Variants in ABCA12 observed in about 807,000 individuals in gnomAD.
ABCA12 encodes ATP binding cassette subfamily A member 12, also known as glucosylceramide transporter ABCA12.
In ABCA12, 156 loss-of-function variants were observed where a neutral mutation model predicts 293.5. The observed-to-expected ratio is 0.53, with a 90% confidence interval of 0.47 to 0.61. The LOEUF is 0.61. Among genes scored for constraint, ABCA12 ranks in the 20% least tolerant of loss-of-function variants. The pLI is 0.00. For missense variants in ABCA12, 2,797 were observed against 3,090.2 expected (o/e 0.91, Z 2.25); for synonymous variants, 1,063 against 1,108.0 (o/e 0.96, Z 0.81).
intron 2 of ABCA12, among the ~76,000 whole-genome samples, chr2:215,089,395 A>G (rs1048579378): frequency 1.3e-5 from 2 of 152,232 alleles, no homozygotes; most frequent in African/African-American, 2.4e-5. Context: ...TAGCAAGGAT[A>G]TAATAATAAA....
intron 6 of ABCA12, among the ~76,000 whole-genome samples, chr2:215,047,781 A>T (rs1441613670): frequency 6.6e-6 from 1 of 152,228 alleles, no homozygotes; most frequent in East Asian, 1.9e-4. Flanking sequence ...TATGACAAAG[A>T]TGCCAAAAGC....
At chr2:215,095,784 G>T (rs1702238187) in intron 2 of ABCA12, among the ~76,000 whole-genome samples, 1 of 152,084 alleles carries the variant, frequency 6.6e-6, no homozygotes, top group Non-Finnish European at 1.5e-5. Flanking sequence ...ATTACCTTGT[G>T]AAATTTCTTC....
At chr2:215,015,091 C>T (rs1395781108) in intron 15 of ABCA12, among the ~76,000 whole-genome samples, 1 of 151,880 alleles carries the variant, frequency 6.6e-6, no homozygotes, top group African/African-American at 2.4e-5. Flanking sequence ...CAAAAAAAGC[C>T]TATTTTTAAT....
chr2:214,959,192 A>C, intron 39 of ABCA12, 114 bp from the exon 40 acceptor site: 1 of 944,550 alleles, frequency 1.1e-6, no homozygotes, highest in Non-Finnish European at 1.7e-6. Context: ...AAACAATTTT[A>C]TTTGGGGGAC....
At chr2:215,019,984 C>T (rs903342116) in intron 11 of ABCA12, among the ~76,000 whole-genome samples, 188 bp from the exon 12 acceptor site, 2 of 152,048 alleles carry the variant, frequency 1.3e-5, no homozygotes, top group East Asian at 1.9e-4. Context: ...TTATTGTTCT[C>T]GTAAGAACCT....
chr2:215,056,816 C>G (rs183070813), intron 3 of ABCA12, among the ~76,000 whole-genome samples: 327 of 152,146 alleles, frequency 2.1e-3, no homozygotes, highest in African/African-American at 7.5e-3. Context: ...TTAAAGAGGG[C>G]AAGAAAGTAG....
chr2:214,988,611 A>G (rs923575028), intron 26 of ABCA12, among the ~76,000 whole-genome samples: 5 of 152,198 alleles, frequency 3.3e-5, no homozygotes, highest in Admixed American at 6.5e-5. Flanking sequence ...TAGAAGGGGG[A>G]ACCCAACTTG....
At chr2:214,959,905 G>A (rs535807772) in intron 39 of ABCA12, among the ~76,000 whole-genome samples, 2 of 152,234 alleles carry the variant, frequency 1.3e-5, no homozygotes, top group South Asian at 4.1e-4. Context: ...CTGTCTGAGC[G>A]ACTGTGGAAA....
chr2:214,932,204 T>A lies in ABCA12; in HGVS notation c.*430A>T, dbSNP rs1458880748. ...ATTCATGATGATGTTCATTCTGTTG[T>A]TTTCTGGAAATAAATTATGTTGTCT... is the stretch of plus-strand genomic sequence containing the variant. On this transcript the variant is annotated 3_prime_UTR_variant, in exon 53 of 53. Transcript: ENST00000272895. The A allele has an allele frequency of 4.1e-6, 1 of 242,370 alleles. No individual in the cohort carries two copies. Among genetic ancestry groups the A allele is most frequent in the Non-Finnish European group, 8.1e-6 (1 of 123,080 alleles). 15.0% of individuals were successfully genotyped at this position (242,370 alleles called of 1,614,324 possible).
At chr2:214,956,042 G>A (rs1395552052) in intron 42 of ABCA12, among the ~76,000 whole-genome samples, 2 of 152,182 alleles carry the variant, frequency 1.3e-5, no homozygotes, top group African/African-American at 4.8e-5. Flanking sequence ...AAGCTGGCTA[G>A]CCTGTTTTGA....
intron 21 of ABCA12, 46 bp from the exon 22 acceptor site, chr2:215,001,066 G>A (rs1163134581): frequency 6.3e-7 from 1 of 1,584,396 alleles, no homozygotes; most frequent in Non-Finnish European, 8.6e-7. Flanking sequence ...TTTTATGGTT[G>A]ACGTTATTCA....
intron 45 of ABCA12, 142 bp from the exon 46 acceptor site, chr2:214,949,291 C>CCTG: frequency 1.5e-6 from 1 of 683,104 alleles, no homozygotes. Flanking sequence ...TAGTGTAATG[C>CCTG]TCTTGATAAA....
chr2:215,019,802 C>G lies in ABCA12; in HGVS notation c.1288-6G>C. 6.2e-7 allele frequency: 1 copy of G among 1,609,510 alleles called. No homozygotes were observed. The highest frequency in any genetic ancestry group is 8.5e-7 in the Non-Finnish European group (1 of 1,179,942). Reference sequence around the variant, plus strand: ...AAGTTTCGAAGTTGAGACAGCTTTCCAAAAAGGGAAAAGAGTGGGAAATAG... The same window carrying G: ...AAGTTTCGAAGTTGAGACAGCTTTCGAAAAAGGGAAAAGAGTGGGAAATAG... On this transcript the variant is annotated splice_polypyrimidine_tract_variant and splice_region_variant and intron_variant, in intron 11 of 52. Transcript: ENST00000272895.
At chr2:215,107,460 G>A (rs567097027) in intron 2 of ABCA12, among the ~76,000 whole-genome samples, 22 of 152,270 alleles carry the variant, frequency 1.4e-4, no homozygotes, top group African/African-American at 5.3e-4. Flanking sequence ...GAAGAATTAG[G>A]GCCTGCCTGC....
intron 2 of ABCA12, among the ~76,000 whole-genome samples, chr2:215,104,367 T>C (rs73987801): frequency 0.04 from 6,037 of 152,296 alleles, 375 homozygotes; most frequent in African/African-American, 0.13. Flanking sequence ...AGAAACCTTG[T>C]CATCGTGTTA....
intron 33 of ABCA12, among the ~76,000 whole-genome samples, chr2:214,977,066 A>C (rs1033512133): frequency 6.6e-6 from 1 of 152,244 alleles, no homozygotes; most frequent in Admixed American, 6.5e-5. Context: ...AAACAGAGTG[A>C]ACAAGTTTAA....
intron 49 of ABCA12, among the ~76,000 whole-genome samples, chr2:214,944,529 T>G (rs1009592377): frequency 4.7e-4 from 72 of 152,114 alleles, no homozygotes; most frequent in African/African-American, 1.7e-3. Flanking sequence ...GAAGGAGTCA[T>G]CCAGATTGAC....
chr2:215,025,617 T>G, intron 11 of ABCA12, 56 bp downstream of exon 11: 2 of 1,151,502 alleles, frequency 1.7e-6, no homozygotes, highest in Non-Finnish European at 2.4e-6. Context: ...TTTTGTTTGT[T>G]TTGTCTTTTT....
At chr2:215,129,384 C>A (rs899098867) in intron 1 of ABCA12, among the ~76,000 whole-genome samples, 1 of 152,150 alleles carries the variant, frequency 6.6e-6, no homozygotes, top group African/African-American at 2.4e-5. Context: ...GCAGGAGTTG[C>A]CGCGGGCTCC....
Sources: allele counts gnomAD v4.1 joint callset (sites outside exome capture counted in the v4.1 genomes callset), GRCh38; gene constraint gnomAD v4.1.1; transcripts MANE v1.5; gene names NCBI Gene and HGNC (gene_info 2026-07-23, HGNC 2026-07-21).